KAZN: variants seen among roughly 807,000 people sequenced by gnomAD.
KAZN encodes the protein kazrin.
A neutral mutation model predicts 87.4 loss-of-function variants in KAZN; 40 were observed. The observed-to-expected ratio is 0.46, with a 90% confidence interval of 0.36 to 0.60. The LOEUF (loss-of-function observed/expected upper bound fraction) is 0.60. Among genes scored for constraint, KAZN ranks in the 20% least tolerant of loss-of-function variants. The pLI is 0.00. For synonymous variants in KAZN, 466 were observed against 458.3 expected (o/e 1.02, Z -0.22); for missense variants, 898 against 1,073.9 (o/e 0.84, Z 2.29).
At chr1:14,228,898 C>T (rs1647541568) in intron 2 of KAZN, among the ~76,000 whole-genome samples, 1 of 152,228 alleles carries the variant, frequency 6.6e-6, no homozygotes, top group Non-Finnish European at 1.5e-5. Flanking sequence ...CTTGACCTCC[C>T]TCTTGGCTTG....
At chr1:14,701,876 G>A (rs145165924) in intron 1 of KAZN, among the ~76,000 whole-genome samples, 49 of 152,208 alleles carry the variant, frequency 3.2e-4, no homozygotes, top group African/African-American at 1.2e-3. Context: ...ATTTCCTTAC[G>A]CACTTCCCCT....
At chr1:14,436,821 A>T (rs1199971869) in intron 2 of KAZN, among the ~76,000 whole-genome samples, 1 of 152,024 alleles carries the variant, frequency 6.6e-6, no homozygotes, top group Non-Finnish European at 1.5e-5. Context: ...ATGTTAAGTT[A>T]CTTGGCCAAG....
chr1:14,632,629 A>T (rs1679653339), intron 1 of KAZN, among the ~76,000 whole-genome samples: 1 of 151,330 alleles, frequency 6.6e-6, no homozygotes. Flanking sequence ...GCCCACCCAA[A>T]GGCTACAGGT....
Position 14,439,689 on chromosome 1 carries a change from A to T in KAZN, c.250-159294A>T, listed in dbSNP as rs146888777. On this transcript the variant is annotated intron_variant, in intron 2 of 16. Coordinates refer to the KAZN transcript ENST00000636203. ...TTTCACGTTAATTAATTTAAATGAAAATAGTCACATGAGGCAGTGGCCGCC... is the reference window on the plus strand; with the variant it reads ...TTTCACGTTAATTAATTTAAATGAATATAGTCACATGAGGCAGTGGCCGCC... 4.2e-3 allele frequency among the ~76,000 whole-genome samples: 647 copies of T among 152,330 alleles called. 4 individuals are homozygous for T. The highest frequency in any genetic ancestry group is 0.015 in the African/African-American group (609 of 41,554).
intron 13 of KAZN, among the ~76,000 whole-genome samples, chr1:15,110,702 G>A (rs1573325030): frequency 6.6e-6 from 1 of 152,212 alleles, no homozygotes; most frequent in Non-Finnish European, 1.5e-5. Context: ...CCACACGTGC[G>A]ACCACTGTCC....
Position 15,021,250 on chromosome 1 carries a change from A to C in KAZN, c.419-13499A>C, listed in dbSNP as rs1029080644. Among the ~76,000 whole-genome samples, 3 of 152,158 alleles carry C rather than the reference A, an allele frequency of 2.0e-5. No homozygotes were observed. The highest frequency in any genetic ancestry group is 7.2e-5 in the African/African-American group (3 of 41,438). On this transcript the variant is annotated intron_variant, in intron 2 of 14. Coordinates refer to ENST00000376030, the MANE Select transcript of KAZN (RefSeq NM_201628.3). The surrounding 1 kb of genome is among the most constrained non-coding windows in gnomAD (Gnocchi z 4.2). ...GAGCCCAGGCCATTATCTTGCCTGC[A>C]TACGACCTCACACACCCACACAAGC...
rs1363959864 is a variant in KAZN at position 14,949,816 on chromosome 1, A to G, written c.227-10868A>G. 6.6e-6 allele frequency among the ~76,000 whole-genome samples: 1 copy of G among 152,078 alleles called. No individual in the cohort carries two copies. The highest frequency in any genetic ancestry group is 1.5e-5 in the Non-Finnish European group (1 of 68,012). ...TGTTTGGTGAGGGGTGGGTGAAGGC[A>G]TGCAGGAGAGTACAGGTTTTCTGGG... On this transcript the variant is annotated intron_variant, in intron 1 of 14. Transcript: ENST00000376030. The surrounding 1 kb of genome is among the most constrained non-coding windows in gnomAD (Gnocchi z 4.3).
intron 2 of KAZN, among the ~76,000 whole-genome samples, chr1:14,312,971 T>C (rs1196638421): frequency 6.6e-6 from 1 of 152,182 alleles, no homozygotes; most frequent in African/African-American, 2.4e-5. Flanking sequence ...CCTGGATTCC[T>C]GAACAACAGA....
chr1:14,875,655 T>A (rs1652687206), intron 1 of KAZN, among the ~76,000 whole-genome samples: 1 of 152,252 alleles, frequency 6.6e-6, no homozygotes, highest in Non-Finnish European at 1.5e-5. Context: ...TAGTTACATT[T>A]TCAGGAATGT....
intron 1 of KAZN, among the ~76,000 whole-genome samples, chr1:14,613,036 T>G (rs1677944809): frequency 6.6e-6 from 1 of 152,232 alleles, no homozygotes; most frequent in Non-Finnish European, 1.5e-5. Flanking sequence ...AACCCAGGTC[T>G]TTCTCCTGAA....
intron 2 of KAZN, among the ~76,000 whole-genome samples, chr1:14,454,720 A>G (rs1273878684): frequency 6.6e-6 from 1 of 152,238 alleles, no homozygotes; most frequent in African/African-American, 2.4e-5. Context: ...ACTAACAAAC[A>G]AATAATCTCT....
At chr1:14,042,685 A>G (rs1437295126) in intron 1 of KAZN, among the ~76,000 whole-genome samples, 1 of 151,936 alleles carries the variant, frequency 6.6e-6, no homozygotes, top group East Asian at 1.9e-4. Flanking sequence ...GTAGAAGGGG[A>G]CAGATATTTC....
chr1:13,990,776 C>T (rs1322541066), intron 1 of KAZN, among the ~76,000 whole-genome samples: 1 of 152,096 alleles, frequency 6.6e-6, no homozygotes, highest in Non-Finnish European at 1.5e-5. Context: ...AAACGCATGA[C>T]TAAATGAAAT....
chr1:14,304,480 A>C (rs1476186236), intron 2 of KAZN: 2 of 395,800 alleles, frequency 5.1e-6, no homozygotes, highest in Admixed American at 8.8e-5. Context: ...ATCTTCACTA[A>C]GCTTCAATGA....
At position 14,125,855 on chromosome 1, in the gene KAZN, A is replaced by G. The variant is rs116629973; in HGVS notation, c.92-54580A>G. Among the ~76,000 whole-genome samples, 413 of 151,620 alleles carry G rather than the reference A, an allele frequency of 2.7e-3. 2 individuals are homozygous for G. The highest frequency in any genetic ancestry group is 9.7e-3 in the African/African-American group (402 of 41,384). ...GCAACAAGGTTCAGGGCAGATTTGCAGAACCGTTAGATTCAGGCAACAAAG... is the reference window on the plus strand; with the variant it reads ...GCAACAAGGTTCAGGGCAGATTTGCGGAACCGTTAGATTCAGGCAACAAAG... On this transcript the variant is annotated intron_variant, in intron 1 of 16. Coordinates refer to the KAZN transcript ENST00000636203.
rs189212691 is a variant in KAZN, at chr1:14,587,733, G to A, written c.250-11250G>A. 1.5e-3 allele frequency among the ~76,000 whole-genome samples: 228 copies of A among 152,126 alleles called. 1 individual carries two copies. The highest frequency in any genetic ancestry group is 5.2e-3 in the African/African-American group (214 of 41,490). ...GGTACTAAGTCGGTCATAAGACATC[G>A]GCCGCCATGATCCAATCACCTCCCA... is the stretch of plus-strand genomic sequence containing the variant. On this transcript the variant is annotated intron_variant, in intron 2 of 16. Transcript: ENST00000636203.
chr1:14,512,283 C>T (rs2148446736), intron 2 of KAZN, among the ~76,000 whole-genome samples: 1 of 152,212 alleles, frequency 6.6e-6, no homozygotes, highest in Admixed American at 6.5e-5. Flanking sequence ...CAAAGTTTCT[C>T]CACCTTAGCA....
chr1:13,922,331 G>T (rs1326241263), intron 1 of KAZN, among the ~76,000 whole-genome samples: 1 of 152,152 alleles, frequency 6.6e-6, no homozygotes, highest in African/African-American at 2.4e-5. Context: ...TGAAAGCTAC[G>T]TCTGTGTTTA....
chr1:14,114,913 G>A (rs1219336574), intron 1 of KAZN, among the ~76,000 whole-genome samples: 1 of 152,176 alleles, frequency 6.6e-6, no homozygotes, highest in Non-Finnish European at 1.5e-5. Flanking sequence ...CCCAGAGAGG[G>A]TAAATTGGTT....
Sources: gnomAD v4.1 joint callset for allele counts (sites outside exome capture counted in the v4.1 genomes callset) on GRCh38, gnomAD v4.1.1 for gene constraint, Gnocchi (gnomAD v3.1) non-coding constraint, MANE v1.5 for transcripts, NCBI Gene and HGNC (gene_info 2026-07-23, HGNC 2026-07-21) for gene names.